The following SLC6A3 variants were observed in gnomAD, a reference collection of about 807,000 sequenced individuals.
SLC6A3 encodes the protein sodium-dependent dopamine transporter.
SLC6A3 carries 19 observed loss-of-function variants against 70.4 expected under a neutral mutation model. The ratio of observed to expected loss-of-function variants is 0.27; its 90% confidence interval spans 0.19 to 0.40. The LOEUF is 0.40. Ranked by LOEUF, SLC6A3 falls within the 10% of genes least tolerant of loss-of-function variation. The pLI is 1.00. For missense variants in SLC6A3, 613 were observed against 838.5 expected (o/e 0.73, Z 3.32); for synonymous variants, 368 against 356.6 (o/e 1.03, Z -0.36).
intron 4 of SLC6A3, 151 bp downstream of exon 4, chr5:1,432,313 C>T: frequency 1.4e-6 from 1 of 700,466 alleles, no homozygotes; most frequent in South Asian, 1.5e-5. Context: ...GAAATGTGCC[C>T]CTCCAGAGCA....
rs1349192069 is a variant in SLC6A3 at position 1,404,267 on chromosome 5, G to T, written c.1600-1178C>A. ...TGTCTGTCACGTGACCAGAGCCAGG[G>T]TGAGCAGCACTTTGGCGAGCAAAGC... On this transcript the variant is annotated intron_variant, in intron 12 of 14. Coordinates refer to ENST00000270349, the MANE Select transcript of SLC6A3 (RefSeq NM_001044.5). This position sits in a 1 kb window ranked among gnomAD's most constrained non-coding sequence, Gnocchi z 5.2. 6.6e-6 allele frequency among the ~76,000 whole-genome samples: 1 copy of T among 152,220 alleles called. No homozygotes were observed. Among genetic ancestry groups the T allele is most frequent in the Non-Finnish European group, 1.5e-5 (1 of 68,030 alleles).
In SLC6A3 at chr5:1,437,079, G is replaced by A. The variant is rs553373066; in HGVS notation, c.418+4280C>T. On this transcript the variant is annotated intron_variant, in intron 3 of 14. Coordinates refer to ENST00000270349, the MANE Select transcript of SLC6A3 (RefSeq NM_001044.5). This position sits in a 1 kb window ranked among gnomAD's most constrained non-coding sequence, Gnocchi z 4.8. Reference sequence around the variant, plus strand: ...ATCCTGGCTAACACGATGAAACCCCGTCTCTACTAAAAATACAAAAAATTA... The same window carrying A: ...ATCCTGGCTAACACGATGAAACCCCATCTCTACTAAAAATACAAAAAATTA... 2.8e-4 allele frequency among the ~76,000 whole-genome samples: 43 copies of A among 152,118 alleles called. No homozygotes were observed. Among genetic ancestry groups the A allele is most frequent in the African/African-American group, 8.9e-4 (37 of 41,506 alleles).
chr5:1,443,782 C>T (rs903746520), intron 1 of SLC6A3, among the ~76,000 whole-genome samples: 4 of 152,146 alleles, frequency 2.6e-5, no homozygotes, highest in Admixed American at 2.0e-4. Context: ...GATCCTTGCA[C>T]CTCAGCCTCC....
intron 7 of SLC6A3, among the ~76,000 whole-genome samples, chr5:1,415,130 C>G (rs1756254950): frequency 6.6e-6 from 1 of 152,010 alleles, no homozygotes; most frequent in Non-Finnish European, 1.5e-5. Flanking sequence ...GCTCTAGGAG[C>G]ACACACCTCC....
At position 1,408,516 on chromosome 5, in the gene SLC6A3, G is replaced by A. The variant is rs1170378418; in HGVS notation, c.1498+510C>T. 6.6e-6 allele frequency among the ~76,000 whole-genome samples: 1 copy of A among 152,174 alleles called. No individual in the cohort carries two copies. Among genetic ancestry groups the A allele is most frequent in the Non-Finnish European group, 1.5e-5 (1 of 68,030 alleles). ...AAGGGCAGCCCTGGCTCCAGGCTGG[G>A]TTTTCTGTTGCTGTTTAAACCACTG... On this transcript the variant is annotated intron_variant, in intron 11 of 14. Transcript: ENST00000270349. This position sits in a 1 kb window ranked among gnomAD's most constrained non-coding sequence, Gnocchi z 6.4.
At chr5:1,414,631 G>C in intron 8 of SLC6A3, 60 bp downstream of exon 8, 1 of 1,592,648 alleles carries the variant, frequency 6.3e-7, no homozygotes, top group East Asian at 2.3e-5. Flanking sequence ...AAAAGGCTTT[G>C]CTGAGAGCTC....
At chr5:1,416,569 G>C (rs987997758) in intron 6 of SLC6A3, 5 of 279,046 alleles carry the variant, frequency 1.8e-5, no homozygotes, top group South Asian at 1.7e-4. Context: ...GGAACAGCAC[G>C]GCCTCATCTA....
In SLC6A3 at chr5:1,408,633, C is replaced by T. The variant is rs1385601537; in HGVS notation, c.1498+393G>A. Among the ~76,000 whole-genome samples the T allele has an allele frequency of 6.6e-6, 1 of 152,220 alleles. No individual in the cohort carries two copies. Among genetic ancestry groups the T allele is most frequent in the African/African-American group, 2.4e-5 (1 of 41,454 alleles). ...CCCGCTGATCATCAGGTCCCGACTGCTCTGGAGCTCTGGTCAGCAGGGAAG... is the reference window on the plus strand; with the variant it reads ...CCCGCTGATCATCAGGTCCCGACTGTTCTGGAGCTCTGGTCAGCAGGGAAG... On this transcript the variant is annotated intron_variant, in intron 11 of 14. Coordinates refer to ENST00000270349, the MANE Select transcript of SLC6A3 (RefSeq NM_001044.5). The surrounding 1 kb of genome is among the most constrained non-coding windows in gnomAD (Gnocchi z 6.4).
chr5:1,432,319 G>A, intron 4 of SLC6A3, 145 bp downstream of exon 4: 2 of 708,716 alleles, frequency 2.8e-6, no homozygotes, highest in Non-Finnish European at 5.1e-6. Context: ...TGCCCCTCCA[G>A]AGCACTAAAG....
intron 4 of SLC6A3, among the ~76,000 whole-genome samples, chr5:1,425,135 C>T (rs1285912567): frequency 6.6e-6 from 1 of 152,262 alleles, no homozygotes; most frequent in Admixed American, 6.5e-5. Flanking sequence ...CTCCCAATTT[C>T]TACTGGGCTC....
Position 1,411,647 on chromosome 5 carries a change from G to A in SLC6A3, c.1157-292C>T, listed in dbSNP as rs538548443. On this transcript the variant is annotated intron_variant, in intron 8 of 14. Transcript: ENST00000270349. This position sits in a 1 kb window ranked among gnomAD's most constrained non-coding sequence, Gnocchi z 6.5. Reference sequence around the variant, plus strand: ...TATGGGGGTGCTTGGGGAAGGAAGGGGCAGAAACAAGGAGGAGCAGGAGGG... The same window carrying A: ...TATGGGGGTGCTTGGGGAAGGAAGGAGCAGAAACAAGGAGGAGCAGGAGGG... 1.9e-4 allele frequency among the ~76,000 whole-genome samples: 29 copies of A among 152,308 alleles called. No homozygotes were observed. Among genetic ancestry groups the A allele is most frequent in the African/African-American group, 6.7e-4 (28 of 41,572 alleles).
In SLC6A3 at chr5:1,436,577, T is replaced by C. The variant is rs972351363; in HGVS notation, c.419-3879A>G. 2.0e-5 allele frequency among the ~76,000 whole-genome samples: 3 copies of C among 152,220 alleles called. No individual in the cohort carries two copies. The highest frequency in any genetic ancestry group is 4.4e-5 in the Non-Finnish European group (3 of 68,036). ...AAATTTATTTTTGCTTAGTATCTTT[T>C]TCTTTATATTAACCTTGTGTGTAGT... On this transcript the variant is annotated intron_variant, in intron 3 of 14. Coordinates refer to ENST00000270349, the MANE Select transcript of SLC6A3 (RefSeq NM_001044.5). This position sits in a 1 kb window ranked among gnomAD's most constrained non-coding sequence, Gnocchi z 5.2.
At position 1,394,465 on chromosome 5, in the gene SLC6A3, T is replaced by C; in HGVS notation, c.*270A>G. The C allele has an allele frequency of 1.7e-6, 1 of 584,226 alleles. No homozygotes were observed. The highest frequency in any genetic ancestry group is 2.0e-5 in the South Asian group (1 of 49,076). 36.2% of individuals were successfully genotyped at this position (584,226 alleles called of 1,614,324 possible). On this transcript the variant is annotated 3_prime_UTR_variant, in exon 15 of 15. Transcript: ENST00000270349. This position sits in a 1 kb window ranked among gnomAD's most constrained non-coding sequence, Gnocchi z 4.7. Reference sequence around the variant, plus strand: ...CACAGACAGCATGAAGTTAGACGTTTTTCTGCCCTGCAGGGACAACAACGG... The same window carrying C: ...CACAGACAGCATGAAGTTAGACGTTCTTCTGCCCTGCAGGGACAACAACGG...
intron 6 of SLC6A3, among the ~76,000 whole-genome samples, chr5:1,416,873 C>A (rs954626353): frequency 6.6e-6 from 1 of 152,080 alleles, no homozygotes; most frequent in Non-Finnish European, 1.5e-5. Flanking sequence ...ATGACCGCAG[C>A]GTCCTAACAA....
chr5:1,411,412 C>T lies in SLC6A3; in HGVS notation c.1157-57G>A. 7.9e-7 allele frequency: 1 copy of T among 1,269,844 alleles called. No homozygotes were observed. Among genetic ancestry groups the T allele is most frequent in the Non-Finnish European group, 1.1e-6 (1 of 893,478 alleles). The allele number at this position is 1,269,844 out of a possible 1,614,324, so 78.7% of individuals were successfully genotyped here. On this transcript the variant is annotated intron_variant, in intron 8 of 14. Transcript: ENST00000270349. This position sits in a 1 kb window ranked among gnomAD's most constrained non-coding sequence, Gnocchi z 6.5. ...GCCCACGCTGTGCTCTCCCGCCCAT[C>T]CTGCCCCACCCCGCCCCGAGAAGCA... is the stretch of plus-strand genomic sequence containing the variant.
In SLC6A3 at chr5:1,397,472, C is replaced by A. The variant is rs1055606933; in HGVS notation, c.1840-2714G>T. 1.3e-5 allele frequency among the ~76,000 whole-genome samples: 2 copies of A among 152,058 alleles called. No homozygotes were observed. The highest frequency in any genetic ancestry group is 2.9e-5 in the Non-Finnish European group (2 of 68,030). Reference sequence around the variant, plus strand: ...CAAACAAACAAACAAAAAAGAAACCCAGGTCCCGACACTCCGCAGTGAACC... The same window carrying A: ...CAAACAAACAAACAAAAAAGAAACCAAGGTCCCGACACTCCGCAGTGAACC... On this transcript the variant is annotated intron_variant, in intron 14 of 14. Transcript: ENST00000270349. This position sits in a 1 kb window ranked among gnomAD's most constrained non-coding sequence, Gnocchi z 4.7.
chr5:1,439,591 C>T (rs1193053169), intron 3 of SLC6A3, among the ~76,000 whole-genome samples: 4 of 152,332 alleles, frequency 2.6e-5, no homozygotes, highest in Admixed American at 1.3e-4. Flanking sequence ...GGGAGGTCAG[C>T]GGCTCGCCTC....
Position 1,414,497 on chromosome 5 carries a change from C to A in SLC6A3, c.1156+194G>T, listed in dbSNP as rs58923592. On this transcript the variant is annotated intron_variant, in intron 8 of 14. Transcript: ENST00000270349. ...GGGTGGGGGGCCTGGAGGGTCAGGG[C>A]GGGGAAGGCGCTGGGTGGGGGCAGG... is the stretch of plus-strand genomic sequence containing the variant. 0.025 allele frequency among the ~76,000 whole-genome samples: 1,121 copies of A among 44,666 alleles called. 176 individuals carry two copies. The highest frequency in any genetic ancestry group is 0.071 in the African/African-American group (775 of 10,902). The allele number at this position is 44,666 out of a possible 152,430, so 29.3% of individuals were successfully genotyped here. A position where few individuals can be genotyped will look rare whatever the true frequency, so the allele number is the denominator to read the frequency against.
rs1013491441 is a variant in SLC6A3, at chr5:1,393,567, T to C, written c.*1168A>G. ...GCTCAAGGCCAGGCAGAGTGTGGTC[T>C]GCAGGCTGCCTGCATGGGGGCCCTG... On this transcript the variant is annotated 3_prime_UTR_variant, in exon 15 of 15. Coordinates refer to ENST00000270349, the MANE Select transcript of SLC6A3 (RefSeq NM_001044.5). 6.5e-6 allele frequency: 1 copy of C among 154,510 alleles called. No individual in the cohort carries two copies. Among genetic ancestry groups the C allele is most frequent in the Non-Finnish European group, 1.5e-5 (1 of 68,292 alleles). 9.6% of individuals were successfully genotyped at this position (154,510 alleles called of 1,614,324 possible).
Sources: gnomAD v4.1 joint callset for allele counts (sites outside exome capture counted in the v4.1 genomes callset) on GRCh38, gnomAD v4.1.1 for gene constraint, Gnocchi (gnomAD v3.1) non-coding constraint, MANE v1.5 for transcripts, NCBI Gene and HGNC (gene_info 2026-07-23, HGNC 2026-07-21) for gene names.